LRRC28: variants seen among roughly 807,000 people sequenced by gnomAD.
LRRC28 encodes leucine rich repeat containing 28.
A neutral mutation model predicts 45.7 loss-of-function variants in LRRC28; 39 were observed. The ratio of observed to expected loss-of-function variants is 0.85; its 90% CI spans 0.66 to 1.12. LRRC28 has a LOEUF of 1.12. LRRC28 is among the 50% of genes most tolerant of loss of function. The probability of loss-of-function intolerance (pLI) is 0.00; values close to 1 mark genes in which losing one functional copy is unlikely to be tolerated. For synonymous variants in LRRC28, 206 were observed against 178.8 expected (o/e 1.15, Z -1.22); for missense variants, 435 against 438.5 (o/e 0.99, Z 0.07).
intron 5 of LRRC28, among the ~76,000 whole-genome samples, chr15:99,311,785 G>C (rs1955422212): frequency 6.6e-6 from 1 of 152,146 alleles, no homozygotes; most frequent in Non-Finnish European, 1.5e-5. Flanking sequence ...TGCCACCCCT[G>C]CTCTAGAATA....
rs1368201746 is a variant in LRRC28, at chr15:99,386,754, A to G, written c.*652A>G. Reference sequence around the variant, plus strand: ...TTTTGTGAGGGATTTTAAAAACAAAAATGTAGATTGTAATGAAATACACTT... The same window carrying G: ...TTTTGTGAGGGATTTTAAAAACAAAGATGTAGATTGTAATGAAATACACTT... On this transcript the variant is annotated 3_prime_UTR_variant, in exon 10 of 10. Transcript: ENST00000301981. 2 of 152,194 alleles carry G rather than the reference A, an allele frequency of 1.3e-5. No homozygotes were observed. The highest frequency in any genetic ancestry group is 2.1e-4 in the South Asian group (1 of 4,818). The allele number at this position is 152,194 out of a possible 1,614,324, so 9.4% of individuals were successfully genotyped here.
At chr15:99,313,114 G>A (rs377578686) in intron 5 of LRRC28, among the ~76,000 whole-genome samples, 2 of 152,034 alleles carry the variant, frequency 1.3e-5, no homozygotes, top group African/African-American at 4.8e-5. Flanking sequence ...TTGCAAACAG[G>A]AAATAATAGC....
intron 5 of LRRC28, among the ~76,000 whole-genome samples, chr15:99,327,425 A>G (rs549979211): frequency 1.3e-5 from 2 of 152,216 alleles, no homozygotes; most frequent in African/African-American, 4.8e-5. Context: ...TGACTTCTTG[A>G]ATTTGGTAAT....
intron 5 of LRRC28, among the ~76,000 whole-genome samples, chr15:99,329,556 G>A (rs907240225): frequency 2.0e-5 from 3 of 152,154 alleles, no homozygotes; most frequent in African/African-American, 7.2e-5. Flanking sequence ...ATAAATTTGA[G>A]TCCATAAAAT....
intron 2 of LRRC28, among the ~76,000 whole-genome samples, chr15:99,260,545 C>T (rs1441197111): frequency 1.3e-5 from 2 of 152,156 alleles, no homozygotes; most frequent in Admixed American, 6.5e-5. Context: ...AAAGGCTGTA[C>T]AGATATGAGG....
intron 9 of LRRC28, among the ~76,000 whole-genome samples, chr15:99,368,773 A>T (rs1957405608): frequency 6.6e-6 from 1 of 152,200 alleles, no homozygotes; most frequent in African/African-American, 2.4e-5. Context: ...TTGTCCAGCC[A>T]CACTGTTGGT....
chr15:99,268,822 A>G (rs558968708), intron 2 of LRRC28, among the ~76,000 whole-genome samples: 1 of 152,346 alleles, frequency 6.6e-6, no homozygotes, highest in South Asian at 2.1e-4. Context: ...ATAAAATCAT[A>G]CTTATGGCAT....
At chr15:99,354,306 T>G (rs541241846) in intron 7 of LRRC28, among the ~76,000 whole-genome samples, 8 of 152,234 alleles carry the variant, frequency 5.3e-5, no homozygotes, top group Non-Finnish European at 1.2e-4. Flanking sequence ...CAAAATGTGC[T>G]CAGAATTTTA....
rs150355707 is a variant in LRRC28, at chr15:99,361,400, G to A, written c.760G>A (p.Val254Ile). 13 of 1,613,884 alleles carry A rather than the reference G, an allele frequency of 8.1e-6. No individual in the cohort carries two copies. Among genetic ancestry groups the A allele is most frequent in the East Asian group, 6.7e-5 (3 of 44,872 alleles). Residue 254 changes from valine (V) to isoleucine (I), a missense_variant, in exon 8 of 10, where the codon GTT (valine) becomes ATT (isoleucine). By Grantham distance (29) the Val-to-Ile change is conservative. Transcript: ENST00000301981. ...LLSFSSGQRT[V>I]FLPAEVKAIG... ...TTCCTTTTCATCAGGGCAGCGAACC[G>A]TTTTCCTCCCAGCTGAGGTGAAGGC...
chr15:99,307,338 A>T (rs1955223066), intron 5 of LRRC28, among the ~76,000 whole-genome samples: 3 of 152,256 alleles, frequency 2.0e-5, no homozygotes, highest in Admixed American at 1.3e-4. Flanking sequence ...CTTGAGGACC[A>T]GTAAGATTTC....
rs950134308 is a variant in LRRC28, at chr15:99,273,510, T to G, written c.169-3066T>G. Among the ~76,000 whole-genome samples the G allele has an allele frequency of 2.0e-5, 3 of 152,108 alleles. No homozygotes were observed. In the East Asian group the frequency reaches 5.8e-4, roughly 29 times the overall value. On this transcript the variant is annotated intron_variant, in intron 2 of 9. Coordinates refer to ENST00000301981, the MANE Select transcript of LRRC28 (RefSeq NM_144598.5). ...CCTCGGCCTCCCAAAGTGCTGAGAT[T>G]ACAGGCGTGAGCCACCGTGCCCGGC...
At chr15:99,284,094 T>G (rs1447220289) in intron 3 of LRRC28, among the ~76,000 whole-genome samples, 1 of 152,208 alleles carries the variant, frequency 6.6e-6, no homozygotes, top group Non-Finnish European at 1.5e-5. Flanking sequence ...CACATGGCTA[T>G]TAAGGTGCAG....
At chr15:99,375,811 T>C (rs962626893) in intron 9 of LRRC28, among the ~76,000 whole-genome samples, 2 of 152,224 alleles carry the variant, frequency 1.3e-5, no homozygotes, top group African/African-American at 2.4e-5. Flanking sequence ...TGTGGTGATA[T>C]CACCTCCTTC....
chr15:99,309,188 C>T (rs1305136945), intron 5 of LRRC28, among the ~76,000 whole-genome samples: 2 of 152,078 alleles, frequency 1.3e-5, no homozygotes, highest in East Asian at 3.9e-4. Context: ...TTTCCTAATT[C>T]TGCTTTAGCT....
At chr15:99,351,192 G>GCCCT (rs1956866436) in intron 6 of LRRC28, among the ~76,000 whole-genome samples, 1 of 152,054 alleles carries the variant, frequency 6.6e-6, no homozygotes, top group African/African-American at 2.4e-5. Context: ...AAGACAAATA[G>GCCCT]CCCTAGTCAG....
In LRRC28 at chr15:99,287,266, C is replaced by G; in HGVS notation, c.219C>G (p.His73Gln). ...KLPNLVELYLHSNNIVVVPEA... is the reference protein window; with the variant it reads ...KLPNLVELYLQSNNIVVVPEA... ...TCTTTTTCCTTCCTAGATACCTGCA[C>G]TCAAATAACATAGTTGTGGTTCCGG... The change falls in exon 4 of 10, where the codon CAC becomes CAG. Residue 73 changes from histidine to glutamine, a missense_variant. Transcript: ENST00000301981. 1 of 1,570,854 alleles carries G rather than the reference C, an allele frequency of 6.4e-7. No homozygotes were observed. Among genetic ancestry groups the G allele is most frequent in the African/African-American group, 1.4e-5 (1 of 72,804 alleles).
In LRRC28 at chr15:99,388,628, T is replaced by C. The variant is rs1958099066; in HGVS notation, c.*2526T>C. 1.3e-5 allele frequency: 2 copies of C among 152,196 alleles called. No individual in the cohort carries two copies. Among genetic ancestry groups the C allele is most frequent in the South Asian group, 2.1e-4 (1 of 4,832 alleles). 9.4% of individuals were successfully genotyped at this position (152,196 alleles called of 1,614,324 possible). ...AAGGAGTCTTACCAACTGGAGAAAA[T>C]TTGCCTACATGCTATATATTTGAAT... On this transcript the variant is annotated 3_prime_UTR_variant, in exon 10 of 10. Coordinates refer to ENST00000301981, the MANE Select transcript of LRRC28 (RefSeq NM_144598.5).
intron 3 of LRRC28, among the ~76,000 whole-genome samples, chr15:99,283,615 CAAA>C (rs59399248): frequency 3.3e-5 from 3 of 89,832 alleles, no homozygotes; most frequent in Non-Finnish European, 2.1e-5. Context: ...GACTCCTTCT[CAAA>C]AAAAAAAAAA....
intron 8 of LRRC28, among the ~76,000 whole-genome samples, 183 bp from the exon 9 acceptor site, chr15:99,362,922 TA>T (rs926171291): frequency 9.9e-5 from 15 of 150,984 alleles, no homozygotes; most frequent in South Asian, 6.3e-4. Flanking sequence ...ATCAAAAATA[TA>T]AAAAAAAAAT....
Sources: allele counts gnomAD v4.1 joint callset (sites outside exome capture counted in the v4.1 genomes callset), GRCh38; gene constraint gnomAD v4.1.1; transcripts MANE v1.5; gene names NCBI Gene and HGNC (gene_info 2026-07-23, HGNC 2026-07-21).